Variants in FYN observed in about 807,000 individuals in gnomAD.
FYN encodes the protein tyrosine-protein kinase Fyn.
A neutral mutation model predicts 70.2 loss-of-function variants in FYN; 10 were observed. That is an observed-to-expected ratio of 0.14 (90% CI 0.09 to 0.24). The LOEUF (loss-of-function observed/expected upper bound fraction) is 0.24. FYN is among the 10% of genes least tolerant of loss of function. FYN has a pLI of 1.00. For synonymous variants in FYN, 236 were observed against 248.6 expected, an observed-to-expected ratio of 0.95 and a Z score of 0.48; for missense variants, 319 against 673.1, an observed-to-expected ratio of 0.47 and a Z score of 5.82.
At chr6:111,765,441 G>C (rs1020725966) in intron 3 of FYN, among the ~76,000 whole-genome samples, 1 of 152,150 alleles carries the variant, frequency 6.6e-6, no homozygotes, top group Admixed American at 6.5e-5. Flanking sequence ...TGCAAGACGA[G>C]GAGGGAGGCT....
intron 2 of FYN, among the ~76,000 whole-genome samples, chr6:111,814,277 G>T (rs1207155460): frequency 6.8e-6 from 1 of 148,078 alleles, no homozygotes; most frequent in East Asian, 1.9e-4. Context: ...AATTGGCTCT[G>T]GTTTTATGAG....
intron 3 of FYN, among the ~76,000 whole-genome samples, chr6:111,776,616 G>A (rs1248332684): frequency 6.6e-6 from 1 of 152,126 alleles, no homozygotes; most frequent in African/African-American, 2.4e-5. Context: ...ACAGCTTTTG[G>A]TAAGAAAATA....
chr6:111,800,451 A>G (rs1771949037), intron 2 of FYN, among the ~76,000 whole-genome samples: 1 of 152,092 alleles, frequency 6.6e-6, no homozygotes, highest in African/African-American at 2.4e-5. Flanking sequence ...AGGGATGGAC[A>G]CAACTTGCCG....
At chr6:111,704,790 T>C (rs1019353550) in intron 6 of FYN, among the ~76,000 whole-genome samples, 6 of 151,700 alleles carry the variant, frequency 4.0e-5, no homozygotes, top group Non-Finnish European at 7.4e-5. Flanking sequence ...ACGCCAGGCA[T>C]GGTGGCTCAT....
chr6:111,806,213 G>C (rs547235070), intron 2 of FYN, among the ~76,000 whole-genome samples: 150 of 152,266 alleles, frequency 9.9e-4, no homozygotes, highest in Non-Finnish European at 1.2e-3. Flanking sequence ...AATTGCACGA[G>C]CTTGTAACTC....
intron 3 of FYN, among the ~76,000 whole-genome samples, chr6:111,772,720 G>A (rs1045975515): frequency 2.6e-5 from 4 of 152,158 alleles, no homozygotes; most frequent in Admixed American, 2.6e-4. Flanking sequence ...GACAAGCCCA[G>A]AGTGTAAGGC....
chr6:111,773,549 G>GAGAGGT (rs1803562264), intron 3 of FYN, among the ~76,000 whole-genome samples: 1 of 38,698 alleles, frequency 2.6e-5, no homozygotes, highest in Non-Finnish European at 4.7e-5. Context: ...GAGGGAGAGG[G>GAGAGGT]AGACGCAGAG....
chr6:111,752,860 G>C (rs1434474194), intron 3 of FYN, among the ~76,000 whole-genome samples: 3 of 152,182 alleles, frequency 2.0e-5, no homozygotes, highest in Non-Finnish European at 4.4e-5. Context: ...GCTTTAGGAG[G>C]GTGGTGGTGA....
chr6:111,808,069 T>C (rs79453451), intron 2 of FYN, among the ~76,000 whole-genome samples: 7 of 152,108 alleles, frequency 4.6e-5, no homozygotes, highest in Admixed American at 2.6e-4. Flanking sequence ...GGCTGCACCA[T>C]TGTACTCCAG....
chr6:111,818,058 C>A (rs566507855), intron 2 of FYN, among the ~76,000 whole-genome samples: 2 of 152,344 alleles, frequency 1.3e-5, no homozygotes, highest in African/African-American at 4.8e-5. Flanking sequence ...ACAGCCTCTT[C>A]CTTTGGATGC....
chr6:111,824,026 T>C (rs911161302), intron 2 of FYN, among the ~76,000 whole-genome samples: 7 of 152,198 alleles, frequency 4.6e-5, no homozygotes, highest in Admixed American at 3.9e-4. Context: ...GGATATAGAA[T>C]ACTCAGAAGT....
chr6:111,719,847 A>G lies in FYN; in HGVS notation c.205T>C (p.Ser69Pro). Residue 69 changes from serine to proline, a missense_variant, in exon 4 of 14, where the codon TCT becomes CCT. By Grantham distance (74) the Ser-to-Pro change is moderately conservative (BLOSUM62 -1). Around this residue, in one of 4 missense-constraint regions of FYN, gnomAD observed 128 missense variants for 183.9 expected, o/e 0.70. Transcript: ENST00000354650. The stretch of plus-strand genomic sequence containing the variant: ...CGCAAGGTCCCCGTATGAGACGAAG[A>G]GTTCACACCTCCAAAGACGGTGAGT... ...QGLTVFGGVN[S>P]SSHTGTLRTR... 6.2e-7 allele frequency: 1 copy of G among 1,614,158 alleles called. No individual in the cohort carries two copies. The highest frequency in any genetic ancestry group is 8.5e-7 in the Non-Finnish European group (1 of 1,180,022).
Position 111,810,781 on chromosome 6 carries a change from C to T in FYN, c.-81-30146G>A, listed in dbSNP as rs118111276. ...GAGCAGAAATGAATGCTGCCTGGGGCCCTTCCAGGAAGAGGTGTTTGAAAC... is the reference window on the plus strand; with the variant it reads ...GAGCAGAAATGAATGCTGCCTGGGGTCCTTCCAGGAAGAGGTGTTTGAAAC... On this transcript the variant is annotated intron_variant, in intron 2 of 13. Coordinates refer to ENST00000354650, the MANE Select transcript of FYN (RefSeq NM_002037.5). 8.5e-5 allele frequency among the ~76,000 whole-genome samples: 13 copies of T among 152,286 alleles called. No homozygotes were observed. In the East Asian group the frequency reaches 2.5e-3, roughly 29 times the overall value.
chr6:111,693,871 G>A (rs1009359881), intron 12 of FYN, among the ~76,000 whole-genome samples: 1 of 152,060 alleles, frequency 6.6e-6, no homozygotes, highest in African/African-American at 2.4e-5. Context: ...TTACTGAGGA[G>A]GCCCTCTCTG....
rs200977140 is a variant in FYN, at chr6:111,715,042, C to A, written c.248-599G>T. On this transcript the variant is annotated intron_variant, in intron 4 of 13. Coordinates refer to ENST00000354650, the MANE Select transcript of FYN (RefSeq NM_002037.5). The stretch of plus-strand genomic sequence containing the variant: ...GCTCGCCCCACTGCTGAAAATGGAA[C>A]CCTCTCCCTTGTCCTCCCCCTACCT... Among the ~76,000 whole-genome samples the A allele has an allele frequency of 1.9e-4, 29 of 152,192 alleles. No homozygotes were observed. In the East Asian group the frequency reaches 2.9e-3, roughly 15 times the overall value.
At chr6:111,681,348 A>G (rs907700708) in intron 12 of FYN, among the ~76,000 whole-genome samples, 4 of 152,032 alleles carry the variant, frequency 2.6e-5, no homozygotes, top group Non-Finnish European at 5.9e-5. Context: ...TTTTGTAGAG[A>G]TGGGATCTTG....
At chr6:111,678,235 T>C (rs1798634098) in intron 12 of FYN, among the ~76,000 whole-genome samples, 2 of 151,812 alleles carry the variant, frequency 1.3e-5, no homozygotes, top group East Asian at 2.0e-4. Flanking sequence ...GGTAAACTCA[T>C]TGCCGAAACC....
intron 12 of FYN, among the ~76,000 whole-genome samples, chr6:111,692,378 G>A (rs996959960): frequency 3.9e-5 from 6 of 152,156 alleles, no homozygotes; most frequent in African/African-American, 1.4e-4. Flanking sequence ...CTAATGCAGA[G>A]GAACGGCTGG....
At chr6:111,825,217 C>G (rs1378157089) in intron 2 of FYN, among the ~76,000 whole-genome samples, 1 of 152,218 alleles carries the variant, frequency 6.6e-6, no homozygotes, top group Non-Finnish European at 1.5e-5. Flanking sequence ...GGGAGGCACC[C>G]TCTTTTCCAT....
Sources: gnomAD v4.1 joint callset for allele counts (sites outside exome capture counted in the v4.1 genomes callset) on GRCh38, gnomAD v4.1.1 for gene constraint, gnomAD v4.1.1 regional missense constraint, MANE v1.5 for transcripts, NCBI Gene and HGNC (gene_info 2026-07-23, HGNC 2026-07-21) for gene names.